Variants in TASOR observed in about 807,000 individuals in gnomAD.
TASOR encodes protein TASOR.
Under a neutral mutation model 178.6 loss-of-function variants are expected in TASOR, and 53 were observed. That is an observed-to-expected ratio of 0.30 (90% CI 0.24 to 0.37). The LOEUF (loss-of-function observed/expected upper bound fraction) is 0.37. TASOR is among the 10% of genes least tolerant of loss of function. TASOR has a pLI of 1.00. For missense variants in TASOR, 1,815 were observed against 1,971.4 expected (o/e 0.92, Z 1.50); for synonymous variants, 713 against 696.2 (o/e 1.02, Z -0.38).
chr3:56,652,078 G>A (rs1019679781), intron 11 of TASOR, among the ~76,000 whole-genome samples: 22 of 152,102 alleles, frequency 1.4e-4, no homozygotes, highest in African/African-American at 3.9e-4. Flanking sequence ...GCCAGGCACC[G>A]AACGCCACAT....
chr3:56,673,021 G>A (rs940726090), intron 2 of TASOR, among the ~76,000 whole-genome samples: 3 of 151,984 alleles, frequency 2.0e-5, no homozygotes, highest in South Asian at 4.2e-4. Context: ...ACGTTGGCCA[G>A]GCTGGTCTCA....
At chr3:56,671,107 G>A (rs1017072539) in intron 3 of TASOR, among the ~76,000 whole-genome samples, 4 of 151,878 alleles carry the variant, frequency 2.6e-5, no homozygotes, top group Admixed American at 1.3e-4. Flanking sequence ...TTGGGAGGCC[G>A]AGGTGGGTGG....
At chr3:56,624,302 T>C (rs1039612670) in intron 23 of TASOR, among the ~76,000 whole-genome samples, 177 bp downstream of exon 23, 1 of 152,204 alleles carries the variant, frequency 6.6e-6, no homozygotes, top group African/African-American at 2.4e-5. Context: ...GTATAATAAA[T>C]GAGCAGATCT....
At chr3:56,625,652 A>G (rs1370132150) in intron 21 of TASOR, among the ~76,000 whole-genome samples, 1 of 152,184 alleles carries the variant, frequency 6.6e-6, no homozygotes, top group Non-Finnish European at 1.5e-5. Flanking sequence ...TGTCTTAAAA[A>G]ATAAAATTAA....
intron 6 of TASOR, among the ~76,000 whole-genome samples, chr3:56,666,979 A>G (rs1311748234): frequency 6.6e-6 from 1 of 152,228 alleles, no homozygotes; most frequent in Non-Finnish European, 1.5e-5. Context: ...GCCTGAGTTT[A>G]TGAACAAAGT....
At chr3:56,652,261 A>G (rs1050024824) in intron 11 of TASOR, among the ~76,000 whole-genome samples, 6 of 152,186 alleles carry the variant, frequency 3.9e-5, no homozygotes, top group Non-Finnish European at 8.8e-5. Flanking sequence ...TACTTTTAAA[A>G]AAAACATAGA....
intron 13 of TASOR, 57 bp from the exon 14 acceptor site, chr3:56,647,280 T>A: frequency 7.5e-7 from 1 of 1,335,692 alleles, no homozygotes; most frequent in Non-Finnish European, 1.0e-6. Context: ...AAGAAACTAA[T>A]CAAATACAGA....
At chr3:56,650,480 C>T (rs1217459385) in intron 11 of TASOR, among the ~76,000 whole-genome samples, 1 of 152,140 alleles carries the variant, frequency 6.6e-6, no homozygotes, top group Non-Finnish European at 1.5e-5. Flanking sequence ...TGGTATGGGA[C>T]AGATAAAGTC....
At chr3:56,624,773 C>A (rs957390624) in intron 22 of TASOR, 55 bp downstream of exon 22, 1 of 1,578,692 alleles carries the variant, frequency 6.3e-7, no homozygotes, top group Non-Finnish European at 8.6e-7. Flanking sequence ...CCCATAAAAT[C>A]CTTTCATTCA....
intron 23 of TASOR, chr3:56,623,877 A>T: frequency 6.6e-7 from 1 of 1,516,942 alleles, no homozygotes; most frequent in Non-Finnish European, 8.9e-7. Flanking sequence ...ATTTGACAAG[A>T]CAAATATAAA....
At chr3:56,635,937 T>A (rs1025162984) in intron 17 of TASOR, among the ~76,000 whole-genome samples, 1 of 152,208 alleles carries the variant, frequency 6.6e-6, no homozygotes, top group Non-Finnish European at 1.5e-5. Context: ...CTAAACCAAA[T>A]AGATCCCTTT....
At chr3:56,666,466 T>C (rs914799435) in intron 6 of TASOR, 82 bp from the exon 7 acceptor site, 41 of 1,138,926 alleles carry the variant, frequency 3.6e-5, no homozygotes, top group Admixed American at 3.5e-5. Flanking sequence ...TTCTGAGAAA[T>C]AGAAAACCAT....
chr3:56,631,557 C>CGTGT lies in TASOR; in HGVS notation c.3747+1483_3747+1486dup, dbSNP rs144457927. 7.4e-3 allele frequency among the ~76,000 whole-genome samples: 1,085 copies of CGTGT among 147,584 alleles called. 12 individuals are homozygous for CGTGT. The highest frequency in any genetic ancestry group is 0.025 in the African/African-American group (1,014 of 39,788). The stretch of plus-strand genomic sequence containing the variant: ...CTAAACATACAGACACACAGAAAGG[C>CGTGT]GTGTGTGTGTGTGTCTGTGTTTTTT... On this transcript the variant is annotated intron_variant, in intron 18 of 23. Transcript: ENST00000683822.
intron 4 of TASOR, 23 bp downstream of exon 4, chr3:56,670,050 T>C (rs1458249608): frequency 6.9e-6 from 10 of 1,448,894 alleles, no homozygotes; most frequent in African/African-American, 2.9e-5. Context: ...TAGATATTTA[T>C]ATTTAAAAAG....
Position 56,675,047 on chromosome 3 carries a change from G to A in TASOR, c.332-1322C>T, listed in dbSNP as rs376129954. Among the ~76,000 whole-genome samples, 63 of 151,950 alleles carry A rather than the reference G, an allele frequency of 4.1e-4. No individual in the cohort carries two copies. The East Asian group carries it at 7.9e-3, about 19-fold the overall frequency. The stretch of plus-strand genomic sequence containing the variant: ...TCACTGTGTTAGCCAGGATGGTCTC[G>A]ATCTCCTGACCTCGTGATCCACCTG... On this transcript the variant is annotated intron_variant, in intron 1 of 23. Coordinates refer to ENST00000683822, the MANE Select transcript of TASOR (RefSeq NM_001365635.2).
chr3:56,669,549 T>C (rs2030454612), intron 5 of TASOR, 151 bp downstream of exon 5: 1 of 549,188 alleles, frequency 1.8e-6, no homozygotes, highest in African/African-American at 2.0e-5. Context: ...CAAAAAAAGA[T>C]GGCAAATAAA....
chr3:56,669,229 C>A (rs757766817), intron 5 of TASOR, among the ~76,000 whole-genome samples: 4 of 152,040 alleles, frequency 2.6e-5, no homozygotes, highest in Non-Finnish European at 5.9e-5. Context: ...ATAGGCCAGG[C>A]GCAGTGGCTC....
At chr3:56,634,739 A>G (rs560482061) in intron 17 of TASOR, among the ~76,000 whole-genome samples, 5 of 152,218 alleles carry the variant, frequency 3.3e-5, no homozygotes, top group Non-Finnish European at 7.3e-5. Context: ...TACTAATGAG[A>G]TTAAAACCTT....
chr3:56,638,056 A>G lies in TASOR; in HGVS notation c.2824+650T>C, dbSNP rs535172266. On this transcript the variant is annotated intron_variant, in intron 17 of 23. Coordinates refer to ENST00000683822, the MANE Select transcript of TASOR (RefSeq NM_001365635.2). ...TATAAATGGCTTACCCTTCTTGGCT[A>G]TTTTTTAAAAATTTAAAAAAGAAGA... Among the ~76,000 whole-genome samples the G allele has an allele frequency of 1.8e-3, 270 of 152,296 alleles. 3 individuals are homozygous for G. Among genetic ancestry groups the G allele is most frequent in the African/African-American group, 6.3e-3 (263 of 41,564 alleles).
Sources: allele counts gnomAD v4.1 joint callset (sites outside exome capture counted in the v4.1 genomes callset), GRCh38; gene constraint gnomAD v4.1.1; transcripts MANE v1.5; gene names NCBI Gene and HGNC (gene_info 2026-07-23, HGNC 2026-07-21).